Variants in PTPRT observed in about 807,000 individuals in gnomAD.
The protein encoded by PTPRT is protein tyrosine phosphatase receptor type T.
A neutral mutation model predicts 176.8 loss-of-function variants in PTPRT; 56 were observed. That is an observed-to-expected ratio of 0.32 (90% confidence interval 0.26 to 0.40). The LOEUF is 0.40. Ranked by LOEUF, PTPRT falls within the 10% of genes least tolerant of loss-of-function variation. PTPRT has a pLI of 1.00. For missense variants in PTPRT, 1,540 were observed against 1,908.2 expected (o/e 0.81, Z 3.60); for synonymous variants, 783 against 739.0 (o/e 1.06, Z -0.96).
At chr20:42,400,891 G>A (rs1347955676) in intron 9 of PTPRT, among the ~76,000 whole-genome samples, 1 of 152,002 alleles carries the variant, frequency 6.6e-6, no homozygotes, top group African/African-American at 2.4e-5. Context: ...TTCTACAGTA[G>A]GGATAAGGGA....
In PTPRT at chr20:42,634,009, ATAAT is replaced by A. The variant is rs1399038535; in HGVS notation, c.1153+43853_1153+43856del. On this transcript the variant is annotated intron_variant, in intron 7 of 30. Transcript: ENST00000373187. ...ATTATATTATATATATTATATATATATAATATATATATAATATATATATTATATA... is the reference window on the plus strand; with the variant it reads ...ATTATATTATATATATTATATATATAATATATATAATATATATATTATATA... 1.0e-3 allele frequency among the ~76,000 whole-genome samples: 16 copies of A among 15,538 alleles called. 1 individual carries two copies. Among genetic ancestry groups the A allele is most frequent in the Non-Finnish European group, 1.4e-3 (14 of 10,246 alleles). 10.2% of individuals were successfully genotyped at this position (15,538 alleles called of 152,430 possible). A position where few individuals can be genotyped will look rare whatever the true frequency, so the allele number is the denominator to read the frequency against.
intron 19 of PTPRT, among the ~76,000 whole-genome samples, chr20:42,127,579 C>A (rs1479782922): frequency 6.6e-6 from 1 of 152,136 alleles, no homozygotes; most frequent in East Asian, 1.9e-4. Flanking sequence ...CAAACTGCAC[C>A]ACCACACTTT....
chr20:42,723,326 G>A (rs2076330305), intron 6 of PTPRT, among the ~76,000 whole-genome samples: 2 of 152,104 alleles, frequency 1.3e-5, no homozygotes, highest in African/African-American at 4.8e-5. Flanking sequence ...CTTGAATATG[G>A]TCCTGCCCAG....
chr20:43,084,826 T>G (rs1024403201), intron 1 of PTPRT, among the ~76,000 whole-genome samples: 6 of 152,290 alleles, frequency 3.9e-5, no homozygotes, highest in Non-Finnish European at 8.8e-5. Context: ...AACAAAATAT[T>G]AAATATGGCT....
In PTPRT at chr20:42,110,473, C is replaced by T. The variant is rs1986909016; in HGVS notation, c.3114G>A (p.Glu1038=). The part of the protein sequence containing the change: ...TFTVQKKGYH[E]IRELRLFHFT... Reference sequence around the variant, plus strand: ...AGTGGAAGAGGCGGAGCTCCCGGATCTCATGGTAGCCTTTCTGAGGAAAGA... The same window carrying T: ...AGTGGAAGAGGCGGAGCTCCCGGATTTCATGGTAGCCTTTCTGAGGAAAGA... Residue 1038 remains glutamate, a synonymous_variant, in exon 23 of 31, where the codon GAG becomes GAA. Coordinates refer to ENST00000373187, the MANE Select transcript of PTPRT (RefSeq NM_007050.6). The T allele has an allele frequency of 6.2e-7, 1 of 1,607,544 alleles. No homozygotes were observed. The highest frequency in any genetic ancestry group is 8.5e-7 in the Non-Finnish European group (1 of 1,175,668).
chr20:42,529,462 C>G (rs1046276098), intron 7 of PTPRT, among the ~76,000 whole-genome samples: 2 of 152,124 alleles, frequency 1.3e-5, no homozygotes, highest in Non-Finnish European at 2.9e-5. Context: ...TGAAAACACT[C>G]TCTAGGCGCC....
rs565221537 is a variant in PTPRT, at chr20:43,129,622, T to C, written c.88+60024A>G. Among the ~76,000 whole-genome samples, 629 of 137,538 alleles carry C rather than the reference T, an allele frequency of 4.6e-3. 6 individuals are homozygous for C. Among genetic ancestry groups the C allele is most frequent in the Non-Finnish European group, 6.9e-3 (442 of 63,708 alleles). The allele number at this position is 137,538 out of a possible 152,430, so 90.2% of individuals were successfully genotyped here. A position where few individuals can be genotyped will look rare whatever the true frequency, so the allele number is the denominator to read the frequency against. ...CCGACTCCAAAGAGTTCTTTTTTTT[T>C]TTTTTTTTTTTTTTGAGACGGAGTC... On this transcript the variant is annotated intron_variant, in intron 1 of 30. Transcript: ENST00000373187.
intron 1 of PTPRT, among the ~76,000 whole-genome samples, chr20:43,009,755 A>G (rs1337583083): frequency 2.0e-5 from 3 of 152,190 alleles, no homozygotes; most frequent in African/African-American, 7.2e-5. Flanking sequence ...TTGACTGGGC[A>G]TCTGCGACGA....
chr20:42,437,783 C>T (rs1401094589), intron 9 of PTPRT, among the ~76,000 whole-genome samples: 5 of 152,158 alleles, frequency 3.3e-5, no homozygotes, highest in Non-Finnish European at 5.9e-5. Flanking sequence ...GAATTCCAGC[C>T]TCCAGAGACT....
At chr20:42,149,249 C>T (rs1989017477) in intron 17 of PTPRT, among the ~76,000 whole-genome samples, 1 of 152,078 alleles carries the variant, frequency 6.6e-6, no homozygotes, top group Non-Finnish European at 1.5e-5. Flanking sequence ...ATGGAATGAG[C>T]TTTTTGTGTT....
At chr20:42,172,816 G>GACTT (rs1990133924) in intron 16 of PTPRT, among the ~76,000 whole-genome samples, 1 of 151,702 alleles carries the variant, frequency 6.6e-6, no homozygotes, top group Non-Finnish European at 1.5e-5. Flanking sequence ...ACATCACAAG[G>GACTT]ACCTCTCATG....
At chr20:43,014,163 T>G (rs138715965) in intron 1 of PTPRT, among the ~76,000 whole-genome samples, 1 of 152,070 alleles carries the variant, frequency 6.6e-6, no homozygotes, top group Non-Finnish European at 1.5e-5. Flanking sequence ...GAAAAAGAGT[T>G]CCCCCTGAGG....
chr20:43,036,517 G>A (rs1986384859), intron 1 of PTPRT, among the ~76,000 whole-genome samples: 1 of 146,070 alleles, frequency 6.8e-6, no homozygotes, highest in South Asian at 2.1e-4. Context: ...ATGTAGGGTG[G>A]AGGCAGAAGA....
intron 2 of PTPRT, among the ~76,000 whole-genome samples, chr20:42,871,336 GTTAT>G (rs1656015452): frequency 6.7e-6 from 1 of 149,930 alleles, no homozygotes; most frequent in African/African-American, 2.5e-5. Context: ...AAAAAATCAG[GTTAT>G]TTGTTTTGTT....
intron 6 of PTPRT, among the ~76,000 whole-genome samples, chr20:42,742,751 T>C: frequency 6.6e-6 from 1 of 152,210 alleles, no homozygotes; most frequent in African/African-American, 2.4e-5. Flanking sequence ...TCCCACACTC[T>C]GCGATTTCCA....
chr20:42,109,265 C>T (rs1250857842), intron 23 of PTPRT, among the ~76,000 whole-genome samples: 1 of 151,606 alleles, frequency 6.6e-6, no homozygotes, highest in Admixed American at 6.6e-5. Context: ...TGTGATAACT[C>T]AAGCATCCAG....
intron 9 of PTPRT, among the ~76,000 whole-genome samples, chr20:42,356,747 C>T (rs1391942632): frequency 6.6e-6 from 1 of 152,120 alleles, no homozygotes; most frequent in Non-Finnish European, 1.5e-5. Context: ...GCAATGCTTT[C>T]CCAGAGCTCT....
At chr20:43,184,411 G>A (rs572850848) in intron 1 of PTPRT, among the ~76,000 whole-genome samples, 5 of 152,276 alleles carry the variant, frequency 3.3e-5, no homozygotes, top group South Asian at 2.1e-4. Context: ...CTAATGGGCC[G>A]GGTGCGGTGG....
intron 17 of PTPRT, 107 bp downstream of exon 17, chr20:42,161,245 G>T: frequency 7.8e-7 from 1 of 1,288,190 alleles, no homozygotes; most frequent in Non-Finnish European, 1.1e-6. Flanking sequence ...GCTCCCAGGT[G>T]ATACTGAGGC....
Sources: gnomAD v4.1 joint callset for allele counts (sites outside exome capture counted in the v4.1 genomes callset) on GRCh38, gnomAD v4.1.1 for gene constraint, MANE v1.5 for transcripts, NCBI Gene and HGNC (gene_info 2026-07-23, HGNC 2026-07-21) for gene names.